Variants in RECK observed in about 807,000 individuals in gnomAD.
RECK encodes the protein reversion-inducing cysteine-rich protein with Kazal motifs.
RECK carries 69 observed loss-of-function variants against 115.1 expected under a neutral mutation model. The ratio of observed to expected loss-of-function variants is 0.60; its 90% CI spans 0.49 to 0.73. The LOEUF (loss-of-function observed/expected upper bound fraction) is 0.73, where lower values mean the gene tolerates loss of function less well. Ranked by LOEUF, RECK falls within the 30% of genes least tolerant of loss-of-function variation. The probability of loss-of-function intolerance (pLI) is 0.00; values close to 1 mark genes in which losing one functional copy is unlikely to be tolerated. For synonymous variants in RECK, 414 were observed against 419.7 expected (o/e 0.99, Z 0.17); for missense variants, 1,047 against 1,203.7 (o/e 0.87, Z 1.93).
At chr9:36,106,165 G>A (rs1387038520) in intron 13 of RECK, among the ~76,000 whole-genome samples, 18 of 145,862 alleles carry the variant, frequency 1.2e-4, no homozygotes, top group East Asian at 2.1e-4. Flanking sequence ...AGCCAAGATC[G>A]CGCCACTGCA....
intron 7 of RECK, among the ~76,000 whole-genome samples, chr9:36,081,287 T>G (rs1223188424): frequency 6.6e-6 from 1 of 152,172 alleles, no homozygotes; most frequent in East Asian, 1.9e-4. Flanking sequence ...TGAAGGATAA[T>G]AAGAAACATT....
rs755474618 is a variant in RECK at position 36,102,144 on chromosome 9, C to T, written c.1349C>T (p.Pro450Leu). 1 of 1,613,722 alleles carries T rather than the reference C, an allele frequency of 6.2e-7. No individual in the cohort carries two copies. Among genetic ancestry groups the T allele is most frequent in the Admixed American group, 1.7e-5 (1 of 59,996 alleles). The change falls in exon 12 of 21, where the codon CCT (proline) becomes CTT (leucine). Residue 450 changes from proline to leucine, a missense_variant. Coordinates refer to ENST00000377966, the MANE Select transcript of RECK (RefSeq NM_021111.3). Reference sequence around the variant, plus strand: ...AAATGTGGAGACCAGAACAAATTCCCTGAAGACCACACAGCTGAAAGTATT... The same window carrying T: ...AAATGTGGAGACCAGAACAAATTCCTTGAAGACCACACAGCTGAAAGTATT... ...LKKCGDQNKF[P>L]EDHTAESICE...
Position 36,067,888 on chromosome 9 carries a change from G to A in RECK, c.405+2264G>A, listed in dbSNP as rs1456164472. On this transcript the variant is annotated intron_variant, in intron 6 of 20. Transcript: ENST00000377966. The stretch of plus-strand genomic sequence containing the variant: ...CAAATGAGAGAGGCCTGAAAGGATT[G>A]GTATAATTTGGGTAAAGACCTAAAG... Among the ~76,000 whole-genome samples the A allele has an allele frequency of 2.0e-5, 3 of 152,110 alleles. No homozygotes were observed. In the East Asian group the frequency reaches 5.8e-4, roughly 29 times the overall value.
chr9:36,087,130 T>C (rs1310314680), intron 8 of RECK, among the ~76,000 whole-genome samples: 1 of 151,620 alleles, frequency 6.6e-6, no homozygotes, highest in African/African-American at 2.4e-5. Flanking sequence ...TGGCTTCCAC[T>C]ACACTGCCAT....
intron 9 of RECK, 120 bp downstream of exon 9, chr9:36,088,081 T>C (rs1823034089): frequency 1.4e-6 from 1 of 717,468 alleles, no homozygotes; most frequent in Non-Finnish European, 2.3e-6. Context: ...TTAGAAAATA[T>C]AAAATATTAT....
At chr9:36,090,356 A>C (rs916726144) in intron 9 of RECK, among the ~76,000 whole-genome samples, 1 of 152,160 alleles carries the variant, frequency 6.6e-6, no homozygotes, top group Non-Finnish European at 1.5e-5. Context: ...GACACTCAAT[A>C]AACATTGGTG....
chr9:36,094,444 T>C lies in RECK; in HGVS notation c.1085+3101T>C, dbSNP rs1823264896. On this transcript the variant is annotated intron_variant, in intron 10 of 20. Coordinates refer to ENST00000377966, the MANE Select transcript of RECK (RefSeq NM_021111.3). This position sits in a 1 kb window ranked among gnomAD's most constrained non-coding sequence, Gnocchi z 4.1. ...CATATATTATGCCTAGAGCAACCAC[T>C]AATTTAAAACACAACACAAAGAGGT... Among the ~76,000 whole-genome samples, 1 of 152,092 alleles carries C rather than the reference T, an allele frequency of 6.6e-6. No homozygotes were observed. The highest frequency in any genetic ancestry group is 2.1e-4 in the South Asian group (1 of 4,822).
chr9:36,098,653 T>C (rs1330193275), intron 10 of RECK, among the ~76,000 whole-genome samples: 2 of 152,138 alleles, frequency 1.3e-5, no homozygotes, highest in African/African-American at 2.4e-5. Flanking sequence ...TAAAGACCTG[T>C]CTAGTACCCT....
At chr9:36,055,686 A>ATAAC (rs1318038489) in intron 2 of RECK, among the ~76,000 whole-genome samples, 1 of 152,236 alleles carries the variant, frequency 6.6e-6, no homozygotes, top group East Asian at 1.9e-4. Flanking sequence ...CCACCAGGAT[A>ATAAC]TAACTACCTC....
At chr9:36,116,963 G>C (rs761982345) in intron 16 of RECK, 22 bp from the exon 17 acceptor site, 1 of 1,591,888 alleles carries the variant, frequency 6.3e-7, no homozygotes, top group Admixed American at 1.7e-5. Context: ...TTGGCTCATG[G>C]TGCTGCATTC....
intron 20 of RECK, among the ~76,000 whole-genome samples, chr9:36,122,599 T>C (rs1050950232): frequency 6.6e-6 from 1 of 152,222 alleles, no homozygotes; most frequent in African/African-American, 2.4e-5. Flanking sequence ...CCACAACACA[T>C]GGCCAATTAT....
At chr9:36,119,836 A>G (rs796822936) in intron 18 of RECK, among the ~76,000 whole-genome samples, 9 of 152,324 alleles carry the variant, frequency 5.9e-5, no homozygotes, top group African/African-American at 1.9e-4. Flanking sequence ...AGAGGCTGCT[A>G]ATGGATTGGT....
At chr9:36,093,948 T>C (rs1823249594) in intron 10 of RECK, among the ~76,000 whole-genome samples, 1 of 152,032 alleles carries the variant, frequency 6.6e-6, no homozygotes, top group Non-Finnish European at 1.5e-5. Context: ...GACCATCAAG[T>C]AGTATCCCAA....
rs757090807 is a variant in RECK at position 36,108,114 on chromosome 9, T to C, written c.1715T>C (p.Met572Thr). 24 of 1,613,894 alleles carry C rather than the reference T, an allele frequency of 1.5e-5. No individual in the cohort carries two copies. Among genetic ancestry groups the C allele is most frequent in the African/African-American group, 1.3e-5 (1 of 74,916 alleles). ...QSGLLENCME[M>T]HCIDLQKSCI... ...GGACTCTTAGAAAACTGTATGGAAA[T>C]GCACTGTATAGACCTCCAGAAGTCT... The change falls in exon 14 of 21, where the codon ATG becomes ACG. Residue 572 changes from methionine (M) to threonine (T), a missense_variant. Transcript: ENST00000377966.
chr9:36,099,806 A>G (rs905715163), intron 10 of RECK, among the ~76,000 whole-genome samples: 1 of 152,114 alleles, frequency 6.6e-6, no homozygotes, highest in African/African-American at 2.4e-5. Flanking sequence ...AAATTAATCT[A>G]TGGTGATATA....
At chr9:36,088,486 A>C (rs1823046878) in intron 9 of RECK, among the ~76,000 whole-genome samples, 1 of 152,234 alleles carries the variant, frequency 6.6e-6, no homozygotes, top group Non-Finnish European at 1.5e-5. Context: ...AGACAAAAAC[A>C]AATGGAGATA....
chr9:36,051,821 G>A (rs540931685), intron 1 of RECK, among the ~76,000 whole-genome samples: 2 of 152,202 alleles, frequency 1.3e-5, no homozygotes, highest in East Asian at 3.9e-4. Context: ...TGAGTTTACT[G>A]GAATTTCCAT....
chr9:36,090,305 A>G (rs1823113112), intron 9 of RECK, among the ~76,000 whole-genome samples: 1 of 152,176 alleles, frequency 6.6e-6, no homozygotes, highest in African/African-American at 2.4e-5. Flanking sequence ...TTTATTCACC[A>G]TTGTATTTCC....
intron 6 of RECK, among the ~76,000 whole-genome samples, chr9:36,078,285 G>A (rs1227245513): frequency 6.6e-6 from 1 of 152,212 alleles, no homozygotes; most frequent in Admixed American, 6.5e-5. Flanking sequence ...CTCACATTTC[G>A]CAGGTTTTAT....
Sources: gnomAD v4.1 joint callset for allele counts (sites outside exome capture counted in the v4.1 genomes callset) on GRCh38, gnomAD v4.1.1 for gene constraint, Gnocchi (gnomAD v3.1) non-coding constraint, MANE v1.5 for transcripts, NCBI Gene and HGNC (gene_info 2026-07-23, HGNC 2026-07-21) for gene names.